Variants in TASP1 observed in about 807,000 individuals in gnomAD.
TASP1 encodes threonine aspartase 1.
Under a neutral mutation model 56.6 loss-of-function variants are expected in TASP1, and 16 were observed. That is an observed-to-expected ratio of 0.28 (90% confidence interval 0.19 to 0.43). The LOEUF (loss-of-function observed/expected upper bound fraction) is 0.43, where lower values mean the gene tolerates loss of function less well. Ranked by LOEUF, TASP1 falls within the 20% of genes least tolerant of loss-of-function variation. The pLI is 1.00. For missense variants in TASP1, 393 were observed against 511.6 expected, an observed-to-expected ratio of 0.77 and a Z score of 2.24; for synonymous variants, 179 against 184.2, an observed-to-expected ratio of 0.97 and a Z score of 0.23.
intron 4 of TASP1, among the ~76,000 whole-genome samples, chr20:13,612,458 T>C (rs571398360): frequency 4.7e-4 from 70 of 150,418 alleles, no homozygotes; most frequent in Non-Finnish European, 8.7e-4. Flanking sequence ...AGACAAAACA[T>C]GATAACCTTT....
the TASP1 span, among the ~76,000 whole-genome samples, chr20:13,333,544 C>A: frequency 1.3e-5 from 2 of 152,048 alleles, no homozygotes; most frequent in Admixed American, 1.3e-4. Flanking sequence ...CCACCTGCCA[C>A]AAACTCTTTA....
chr20:13,297,048 G>A, the TASP1 span, among the ~76,000 whole-genome samples: 3 of 151,618 alleles, frequency 2.0e-5, no homozygotes, highest in East Asian at 5.9e-4. Context: ...CAAAAAAAAA[G>A]ATGTATTTTG....
intron 2 of TASP1, 23 bp from the exon 3 acceptor site, chr20:13,625,275 G>T: frequency 6.3e-7 from 1 of 1,579,616 alleles, no homozygotes; most frequent in Non-Finnish European, 8.6e-7. Context: ...ATAAAATCCA[G>T]TTAATTATTA....
chr20:13,613,612 ACTTATT>A (rs898492891), intron 4 of TASP1, among the ~76,000 whole-genome samples: 1 of 152,032 alleles, frequency 6.6e-6, no homozygotes, highest in African/African-American at 2.4e-5. Context: ...CTGTTCTTAG[ACTTATT>A]CTTAGTCACA....
chr20:13,150,937 C>T, the TASP1 span, among the ~76,000 whole-genome samples: 2 of 152,164 alleles, frequency 1.3e-5, no homozygotes, highest in Non-Finnish European at 2.9e-5. Context: ...TCCAGTCTCC[C>T]TCTTATGAGC....
intron 11 of TASP1, among the ~76,000 whole-genome samples, chr20:13,467,618 G>C (rs2044314093): frequency 6.6e-6 from 1 of 152,030 alleles, no homozygotes; most frequent in Non-Finnish European, 1.5e-5. Flanking sequence ...AAATATTACA[G>C]AATATAAGAA....
At chr20:13,344,741 T>C in the TASP1 span, among the ~76,000 whole-genome samples, 1 of 152,178 alleles carries the variant, frequency 6.6e-6, no homozygotes, top group Non-Finnish European at 1.5e-5. Context: ...CCCGAGGGCC[T>C]TGTATTCCCA....
At chr20:13,419,927 T>A (rs987034140) in intron 12 of TASP1, among the ~76,000 whole-genome samples, 1 of 152,218 alleles carries the variant, frequency 6.6e-6, no homozygotes, top group African/African-American at 2.4e-5. Flanking sequence ...GCTTTAAACT[T>A]CAAAAATCTT....
chr20:13,181,643 A>G, the TASP1 span, among the ~76,000 whole-genome samples: 1 of 152,190 alleles, frequency 6.6e-6, no homozygotes, highest in South Asian at 2.1e-4. Flanking sequence ...AAACGTGATG[A>G]CGATGAGACA....
intron 8 of TASP1, among the ~76,000 whole-genome samples, chr20:13,536,965 G>T (rs146309197): frequency 1.3e-5 from 2 of 151,962 alleles, no homozygotes; most frequent in Non-Finnish European, 2.9e-5. Context: ...TATTTCTGGC[G>T]AGAATGCTTA....
At chr20:13,304,787 C>T in the TASP1 span, among the ~76,000 whole-genome samples, 33,336 of 152,064 alleles carry the variant, frequency 0.22, 4,361 homozygotes, top group Middle Eastern at 0.3. Context: ...AGTCCACGAG[C>T]TCCCAGTGGG....
At chr20:13,423,436 T>C (rs1211804989) in intron 12 of TASP1, among the ~76,000 whole-genome samples, 3 of 152,260 alleles carry the variant, frequency 2.0e-5, no homozygotes, top group Non-Finnish European at 2.9e-5. Flanking sequence ...TTAACAATTC[T>C]GCTTGTGATT....
In TASP1 at chr20:13,576,297, G is replaced by GGA. The variant is rs766413714; in HGVS notation, c.488+4598_488+4599dup. 4.9e-3 allele frequency among the ~76,000 whole-genome samples: 692 copies of GGA among 141,324 alleles called. 5 individuals carry two copies. The highest frequency in any genetic ancestry group is 0.013 in the African/African-American group (497 of 37,844). The allele number at this position is 141,324 out of a possible 152,430, so 92.7% of individuals were successfully genotyped here. On this transcript the variant is annotated intron_variant, in intron 6 of 13. Transcript: ENST00000337743. ...GGGAAGAGAAGAGAAAGGAAGGGAA[G>GGA]GAGAGAGAGAGAGAGAGAAAGAAAG...
chr20:13,110,172 G>T, the TASP1 span: 5 of 1,613,484 alleles, frequency 3.1e-6, no homozygotes, highest in Admixed American at 1.7e-5. Flanking sequence ...CCTCGAACCC[G>T]CAGAGCTTGG....
the TASP1 span, among the ~76,000 whole-genome samples, chr20:13,163,367 CAAAAAAAAAA>C: frequency 1.1e-4 from 10 of 90,086 alleles, no homozygotes. Context: ...GACGCTGTCT[CAAAAAAAAAA>C]AAAAAAAAAA....
the TASP1 span, among the ~76,000 whole-genome samples, chr20:13,208,738 G>A: frequency 6.6e-6 from 1 of 152,154 alleles, no homozygotes; most frequent in Non-Finnish European, 1.5e-5. Context: ...GACACCACAT[G>A]GAACAGAGCT....
chr20:13,298,967 G>A, the TASP1 span: 1 of 1,613,596 alleles, frequency 6.2e-7, no homozygotes, highest in Middle Eastern at 1.6e-4. Context: ...AGCGCTGGAT[G>A]AGCTGCAAAA....
chr20:13,388,477 T>C (rs1358356760), downstream of TASP1, among the ~76,000 whole-genome samples: 1 of 152,176 alleles, frequency 6.6e-6, no homozygotes, highest in Non-Finnish European at 1.5e-5. Flanking sequence ...TACTGGCCAG[T>C]TTTTGAACTC....
intron 5 of TASP1, among the ~76,000 whole-genome samples, chr20:13,586,888 C>A (rs1233133360): frequency 6.6e-6 from 1 of 151,504 alleles, no homozygotes; most frequent in East Asian, 1.9e-4. Flanking sequence ...CTGGTTAAAC[C>A]CCACGGGGAA....
Sources: allele counts gnomAD v4.1 joint callset (sites outside exome capture counted in the v4.1 genomes callset), GRCh38; gene constraint gnomAD v4.1.1; transcripts MANE v1.5; gene names NCBI Gene and HGNC (gene_info 2026-07-23, HGNC 2026-07-21).